TSHR: variants seen among roughly 807,000 people sequenced by gnomAD.
The protein encoded by TSHR is thyroid stimulating hormone receptor.
TSHR carries 51 observed loss-of-function variants against 64.1 expected under a neutral mutation model. That is an observed-to-expected ratio of 0.80 (90% CI 0.64 to 1.01). The LOEUF (loss-of-function observed/expected upper bound fraction) is 1.01. Among genes scored for constraint, TSHR ranks in the 50% least tolerant of loss-of-function variants. The pLI is 0.00. For missense variants in TSHR, 877 were observed against 942.8 expected (o/e 0.93, Z 0.91); for synonymous variants, 361 against 361.9 (o/e 1.00, Z 0.03).
chr14:81,067,763 AAAAAT>A (rs200904863), intron 2 of TSHR, among the ~76,000 whole-genome samples: 2,222 of 148,680 alleles, frequency 0.015, 78 homozygotes, highest in African/African-American at 0.05. Flanking sequence ...TCAAAATAGC[AAAAAT>A]AAAATAAAAT....
At chr14:81,020,995 C>A (rs1164433965) in intron 1 of TSHR, among the ~76,000 whole-genome samples, 1 of 151,890 alleles carries the variant, frequency 6.6e-6, no homozygotes, top group Non-Finnish European at 1.5e-5. Flanking sequence ...CTCCCATCAC[C>A]CACAGATGGG....
At chr14:81,138,678 C>A (rs1389170466) in intron 8 of TSHR, among the ~76,000 whole-genome samples, 1 of 151,948 alleles carries the variant, frequency 6.6e-6, no homozygotes, top group Non-Finnish European at 1.5e-5. Flanking sequence ...AATGTAAACC[C>A]CAGCTAAGTC....
intron 1 of TSHR, among the ~76,000 whole-genome samples, chr14:80,958,577 G>T (rs1471089887): frequency 6.6e-6 from 1 of 152,078 alleles, no homozygotes. Flanking sequence ...GAAAGAAGAA[G>T]GAAGGAAGAA....
At position 80,966,683 on chromosome 14, in the gene TSHR, A is replaced by G. The variant is rs1002276990; in HGVS notation, c.170+10833A>G. The stretch of plus-strand genomic sequence containing the variant: ...TATAAATGAAGGAAGAGGGAGAAGG[A>G]ATACTGGAAGTTGCATTTTAAATAG... On this transcript the variant is annotated intron_variant, in intron 1 of 9. Transcript: ENST00000298171. 7.9e-5 allele frequency among the ~76,000 whole-genome samples: 12 copies of G among 152,330 alleles called. No homozygotes were observed. The East Asian group carries it at 2.3e-3, about 29-fold the overall frequency.
intron 1 of TSHR, among the ~76,000 whole-genome samples, chr14:80,990,521 C>A (rs1888673126): frequency 6.6e-6 from 1 of 152,136 alleles, no homozygotes; most frequent in Non-Finnish European, 1.5e-5. Flanking sequence ...TAAGATATGT[C>A]CAATAAAAAA....
chr14:81,102,366 GACTT>G (rs10589413), intron 7 of TSHR, among the ~76,000 whole-genome samples: 17,245 of 152,036 alleles, frequency 0.11, 2,706 homozygotes, highest in African/African-American at 0.36. Flanking sequence ...CTGGTGCCAT[GACTT>G]ACTGTCTAAC....
chr14:80,999,917 ATTTTTTTTC>A (rs1268344607), intron 1 of TSHR, among the ~76,000 whole-genome samples: 4 of 138,822 alleles, frequency 2.9e-5, no homozygotes, highest in Non-Finnish European at 4.7e-5. Context: ...AGACTACCAA[ATTTTTTTTC>A]TTTTTTTTCT....
At chr14:81,120,182 T>TA (rs969242235) in intron 8 of TSHR, among the ~76,000 whole-genome samples, 4 of 150,944 alleles carry the variant, frequency 2.6e-5, no homozygotes, top group African/African-American at 4.9e-5. Flanking sequence ...AGTATAATAA[T>TA]AAAAAAAATA....
At chr14:81,032,148 T>C (rs185450965) in intron 1 of TSHR, among the ~76,000 whole-genome samples, 24 of 152,238 alleles carry the variant, frequency 1.6e-4, no homozygotes, top group East Asian at 3.9e-4. Flanking sequence ...AACAAAGAGA[T>C]AGATATCATT....
chr14:81,111,049 A>G (rs1182785819), intron 8 of TSHR, among the ~76,000 whole-genome samples: 2 of 152,216 alleles, frequency 1.3e-5, no homozygotes, highest in African/African-American at 4.8e-5. Context: ...AAATACATGT[A>G]TAGGGTTCAT....
chr14:81,130,484 G>T (rs1019811093), intron 8 of TSHR, among the ~76,000 whole-genome samples: 2 of 152,106 alleles, frequency 1.3e-5, no homozygotes, highest in Non-Finnish European at 2.9e-5. Flanking sequence ...ACCTCTGATT[G>T]TTCCTTCCTA....
rs1274123060 is a variant in TSHR at position 81,024,244 on chromosome 14, T to TTTTG, written c.171-37884_171-37881dup. Among the ~76,000 whole-genome samples, 28 of 152,106 alleles carry TTTTG rather than the reference T, an allele frequency of 1.8e-4. No individual in the cohort carries two copies. The East Asian group carries it at 2.3e-3, about 13-fold the overall frequency. ...AATAGAGTATTTAGGCATGGTTTTT[T>TTTTG]TTTGTTTGTTTGTTTGTTTGTTTTA... is the stretch of plus-strand genomic sequence containing the variant. On this transcript the variant is annotated intron_variant, in intron 1 of 9. Transcript: ENST00000298171.
chr14:81,126,551 CTTAT>C (rs1891028007), intron 8 of TSHR, among the ~76,000 whole-genome samples: 1 of 152,136 alleles, frequency 6.6e-6, no homozygotes, highest in African/African-American at 2.4e-5. Flanking sequence ...GCTAAAGTTA[CTTAT>C]TTAAGTAAGG....
At chr14:81,047,405 T>C (rs1019178649) in intron 1 of TSHR, among the ~76,000 whole-genome samples, 2 of 152,306 alleles carry the variant, frequency 1.3e-5, no homozygotes, top group Non-Finnish European at 1.5e-5. Context: ...GATAAACATA[T>C]ACATACTATT....
chr14:81,129,002 A>G (rs1415202359), intron 8 of TSHR, among the ~76,000 whole-genome samples: 7 of 151,840 alleles, frequency 4.6e-5, no homozygotes. Flanking sequence ...ATACTCCCTA[A>G]CCCTATATAT....
At chr14:80,991,574 A>T (rs1888727075) in intron 1 of TSHR, 1 of 398,490 alleles carries the variant, frequency 2.5e-6, no homozygotes, top group South Asian at 1.3e-4. Flanking sequence ...AAGTCTGGGA[A>T]TTGGAGATAA....
intron 1 of TSHR, among the ~76,000 whole-genome samples, chr14:81,010,021 T>C (rs1463204038): frequency 6.6e-6 from 1 of 152,202 alleles, no homozygotes; most frequent in African/African-American, 2.4e-5. Flanking sequence ...TTTCCAAATA[T>C]CCTCACCATA....
In TSHR at chr14:81,121,788, A is replaced by C. The variant is rs553078132; in HGVS notation, c.692+13336A>C. 4.6e-5 allele frequency among the ~76,000 whole-genome samples: 7 copies of C among 151,886 alleles called. No homozygotes were observed. In the South Asian group the frequency reaches 1.2e-3, roughly 27 times the overall value. On this transcript the variant is annotated intron_variant, in intron 8 of 9. Coordinates refer to ENST00000298171, the MANE Select transcript of TSHR (RefSeq NM_000369.5). Reference sequence around the variant, plus strand: ...GAAACTCCATCTCTACTAAAAATACAAAAATTAGCCAGGCATGTTGGTGCA... The same window carrying C: ...GAAACTCCATCTCTACTAAAAATACCAAAATTAGCCAGGCATGTTGGTGCA...
intron 1 of TSHR, among the ~76,000 whole-genome samples, chr14:81,031,422 A>C (rs1426966694): frequency 6.6e-6 from 1 of 152,330 alleles, no homozygotes; most frequent in East Asian, 1.9e-4. Context: ...TGGTAAAAAA[A>C]ATATGTATTG....
Sources: allele counts gnomAD v4.1 joint callset (sites outside exome capture counted in the v4.1 genomes callset), GRCh38; gene constraint gnomAD v4.1.1; transcripts MANE v1.5; gene names NCBI Gene and HGNC (gene_info 2026-07-23, HGNC 2026-07-21).